The following NR4A1 variants were observed in gnomAD, a reference collection of about 807,000 sequenced individuals.
NR4A1 encodes the protein nuclear receptor subfamily 4 group A member 1, also known as nuclear receptor subfamily 4immunitygroup A member 1.
In NR4A1, 24 loss-of-function variants were observed where a neutral mutation model predicts 47.5. The ratio of observed to expected loss-of-function variants is 0.50; its 90% CI spans 0.37 to 0.71. The LOEUF is 0.71. NR4A1 is among the 30% of genes least tolerant of loss of function. NR4A1 has a pLI of 0.00. For synonymous variants in NR4A1, 353 were observed against 345.7 expected (o/e 1.02, Z -0.24); for missense variants, 669 against 788.6 (o/e 0.85, Z 1.82).
At chr12:52,057,001 G>A in intron 4 of NR4A1, 56 bp from the exon 5 acceptor site, 1 of 1,468,736 alleles carries the variant, frequency 6.8e-7, no homozygotes, top group Non-Finnish European at 9.3e-7. Flanking sequence ...AGCCATACGT[G>A]GCAGTGGGTG....
intron 2 of NR4A1, chr12:52,041,950 CT>C: frequency 7.4e-7 from 1 of 1,355,124 alleles, no homozygotes; most frequent in Non-Finnish European, 9.5e-7. Flanking sequence ...TGCTATTGTC[CT>C]TTGTACACCC....
rs537496337 is a variant in NR4A1, at chr12:52,026,750, G to A, written c.-84+3811G>A. Among the ~76,000 whole-genome samples, 26 of 152,156 alleles carry A rather than the reference G, an allele frequency of 1.7e-4. No individual in the cohort carries two copies. The South Asian group carries it at 4.3e-3, about 25-fold the overall frequency. ...GAGGCTTAGCAGATGTACAAAGCCC[G>A]CCTAAAGCCACACTGGGAATATGTG... On this transcript the variant is annotated intron_variant, in intron 1 of 7. Coordinates refer to the NR4A1 transcript ENST00000360284.
At chr12:52,023,406 G>A (rs1242729783) in intron 1 of NR4A1, among the ~76,000 whole-genome samples, 1 of 152,204 alleles carries the variant, frequency 6.6e-6, no homozygotes, top group African/African-American at 2.4e-5. Context: ...GGGGCCTCGG[G>A]GTTATGCTTT....
upstream of NR4A1, among the ~76,000 whole-genome samples, chr12:52,046,539 C>T (rs796070604): frequency 2.6e-5 from 4 of 152,334 alleles, no homozygotes; most frequent in African/African-American, 9.6e-5. Context: ...CATACTTGTG[C>T]TCTATCTGTT....
At chr12:52,043,547 G>A in intron 2 of NR4A1, 1 of 465,518 alleles carries the variant, frequency 2.1e-6, no homozygotes, top group South Asian at 2.2e-5. Context: ...CTGGGCACGG[G>A]CCCAGGGTCA....
intron 1 of NR4A1, among the ~76,000 whole-genome samples, chr12:52,040,558 T>G (rs1256224404): frequency 6.6e-6 from 1 of 152,110 alleles, no homozygotes; most frequent in Admixed American, 6.5e-5. Context: ...CTGTTTGGGG[T>G]TAAAGGTGCT....
At chr12:52,041,992 G>C (rs1401367431) in intron 2 of NR4A1, 8 of 1,266,538 alleles carry the variant, frequency 6.3e-6, no homozygotes, top group Middle Eastern at 2.0e-4. Flanking sequence ...GGGCAGAGGT[G>C]GGGGTGGAGC....
intron 4 of NR4A1, 190 bp downstream of exon 4, chr12:52,056,835 G>A (rs2120517748): frequency 1.2e-6 from 1 of 827,106 alleles, no homozygotes; most frequent in South Asian, 1.9e-5. Context: ...GACCAGATGG[G>A]AAAATGCACC....
chr12:52,054,620 T>C lies in NR4A1; in HGVS notation c.292T>C (p.Ser98Pro). ...TSSSSATSPA[S>P]ASFKFEDFQV... ...CTCGTCCTCAGCCACCTCCCCTGCCTCTGCCTCCTTCAAGTTCGAGGACTT... is the reference window on the plus strand; with the variant it reads ...CTCGTCCTCAGCCACCTCCCCTGCCCCTGCCTCCTTCAAGTTCGAGGACTT... Residue 98 changes from serine to proline, a missense_variant, in exon 2 of 7, where the codon TCT (serine) becomes CCT (proline). By Grantham distance (74) the Ser-to-Pro change is moderately conservative. Coordinates refer to ENST00000394825, the MANE Select transcript of NR4A1 (RefSeq NM_173157.3). 1 of 1,614,152 alleles carries C rather than the reference T, an allele frequency of 6.2e-7. No individual in the cohort carries two copies. The highest frequency in any genetic ancestry group is 8.5e-7 in the Non-Finnish European group (1 of 1,180,028).
chr12:52,056,094 G>A lies in NR4A1; in HGVS notation c.941G>A (p.Arg314Lys). The A allele has an allele frequency of 6.2e-7, 1 of 1,611,996 alleles. No homozygotes were observed. Among genetic ancestry groups the A allele is most frequent in the Non-Finnish European group, 8.5e-7 (1 of 1,179,166 alleles). Residue 314 changes from arginine to lysine, a missense_variant, in exon 3 of 7, where the codon AGG (arginine) becomes AAG (lysine). Transcript: ENST00000394825. Reference protein sequence around the residue: ...LANKDCPVDKRRRNRCQFCRF... With the variant: ...LANKDCPVDKKRRNRCQFCRF... ...AACAAGGACTGCCCTGTGGACAAGA[G>A]GCGGCGAAACCGCTGCCAGTTCTGC...
chr12:52,058,600 G>A, intron 6 of NR4A1, 88 bp from the exon 7 acceptor site: 1 of 1,440,314 alleles, frequency 6.9e-7, no homozygotes, highest in Non-Finnish European at 9.2e-7. Context: ...GGGGTGGTCA[G>A]GGGCAGCAGT....
intron 1 of NR4A1, among the ~76,000 whole-genome samples, chr12:52,041,555 A>C (rs952376884): frequency 8.5e-5 from 13 of 152,160 alleles, no homozygotes; most frequent in African/African-American, 2.9e-4. Context: ...TGATGTGTCT[A>C]TATGGCTCTG....
chr12:52,048,027 A>G (rs1272181370), upstream of NR4A1, among the ~76,000 whole-genome samples: 3 of 151,688 alleles, frequency 2.0e-5, no homozygotes, highest in East Asian at 2.0e-4. Context: ...GGTGGCAGGC[A>G]CCTGTCGTCC....
rs143072172 is a variant in NR4A1 at position 52,054,637 on chromosome 12, C to G, written c.309C>G (p.Phe103Leu). Reference protein sequence around the residue: ...ATSPASASFKFEDFQVYGCYP... With the variant: ...ATSPASASFKLEDFQVYGCYP... Reference sequence around the variant, plus strand: ...CCCCTGCCTCTGCCTCCTTCAAGTTCGAGGACTTCCAGGTGTACGGCTGCT... The same window carrying G: ...CCCCTGCCTCTGCCTCCTTCAAGTTGGAGGACTTCCAGGTGTACGGCTGCT... Residue 103 changes from phenylalanine (F) to leucine (L), a missense_variant, in exon 2 of 7, where the codon TTC (phenylalanine) becomes TTG (leucine). Transcript: ENST00000394825. 11 of 1,614,032 alleles carry G rather than the reference C, an allele frequency of 6.8e-6. No individual in the cohort carries two copies. The African/African-American group carries it at 9.3e-5, about 14-fold the overall frequency.
In NR4A1 at chr12:52,055,123, C is replaced by T; in HGVS notation, c.795C>T (p.Gly265=). Reference sequence around the variant, plus strand: ...GCGGGGCCCCAGGTGGAAGTGAAGGCCGCTGTGCTGTGTGTGGGGACAACG... The same window carrying T: ...GCGGGGCCCCAGGTGGAAGTGAAGGTCGCTGTGCTGTGTGTGGGGACAACG... ...ARSGAPGGSE[G]RCAVCGDNAS... The change falls in exon 2 of 7, where the codon GGC becomes GGT. Residue 265 remains glycine (G), a synonymous_variant. Coordinates refer to ENST00000394825, the MANE Select transcript of NR4A1 (RefSeq NM_173157.3). 1.2e-6 allele frequency: 2 copies of T among 1,614,184 alleles called. No homozygotes were observed. The highest frequency in any genetic ancestry group is 1.7e-6 in the Non-Finnish European group (2 of 1,180,052).
chr12:52,056,861 C>T (rs1401695569), intron 4 of NR4A1, 196 bp from the exon 5 acceptor site: 2 of 795,942 alleles, frequency 2.5e-6, no homozygotes, highest in East Asian at 2.7e-5. Context: ...AGGCAGGTGG[C>T]CAATTAGAAA....
chr12:52,043,971 T>C lies in NR4A1; in HGVS notation c.37+2042T>C. On this transcript the variant is annotated intron_variant, in intron 2 of 7. Coordinates refer to the NR4A1 transcript ENST00000360284. ...GCTGGGCTGTTTGGATTTTTTCCCA[T>C]TGTGACTGTCATGCCAAACCCTTTG... is the stretch of plus-strand genomic sequence containing the variant. 7 of 1,272,188 alleles carry C rather than the reference T, an allele frequency of 5.5e-6. 2 individuals are homozygous for C. In the South Asian group the frequency reaches 8.7e-5, roughly 16 times the overall value. The allele number at this position is 1,272,188 out of a possible 1,614,324, so 78.8% of individuals were successfully genotyped here.
chr12:52,034,237 G>A (rs1938190026), intron 1 of NR4A1, among the ~76,000 whole-genome samples: 1 of 152,196 alleles, frequency 6.6e-6, no homozygotes, highest in African/African-American at 2.4e-5. Context: ...CCTCCAGGGA[G>A]GCCTCTTGAG....
intron 1 of NR4A1, among the ~76,000 whole-genome samples, chr12:52,040,063 C>G (rs1362394212): frequency 1.3e-5 from 2 of 152,204 alleles, no homozygotes; most frequent in African/African-American, 2.4e-5. Context: ...TTGGTTTGCT[C>G]TCTGCACAGT....
Sources: allele counts gnomAD v4.1 joint callset (sites outside exome capture counted in the v4.1 genomes callset), GRCh38; gene constraint gnomAD v4.1.1; transcripts MANE v1.5; gene names NCBI Gene and HGNC (gene_info 2026-07-23, HGNC 2026-07-21).